The following NAALADL2 variants were observed in gnomAD, a reference collection of about 807,000 sequenced individuals.
NAALADL2 encodes N-acetylated alpha-linked acidic dipeptidase like 2.
In NAALADL2, 76 loss-of-function variants were observed where a neutral mutation model predicts 87.2. The ratio of observed to expected loss-of-function variants is 0.87; its 90% CI spans 0.72 to 1.05. The LOEUF (loss-of-function observed/expected upper bound fraction) is 1.05. NAALADL2 is among the 50% of genes least tolerant of loss of function. The probability of loss-of-function intolerance (pLI) is 0.00; values close to 1 mark genes in which losing one functional copy is unlikely to be tolerated. For missense variants in NAALADL2, 1,089 were observed against 945.8 expected, an observed-to-expected ratio of 1.15 and a Z score of -1.99; for synonymous variants, 354 against 331.0, an observed-to-expected ratio of 1.07 and a Z score of -0.75.
At chr3:174,798,038 T>C (rs1364812284) in intron 3 of NAALADL2, among the ~76,000 whole-genome samples, 1 of 152,200 alleles carries the variant, frequency 6.6e-6, no homozygotes. Flanking sequence ...TTATTTATTA[T>C]GTGAAATGGA....
chr3:175,048,702 A>G (rs1754986432), intron 1 of NAALADL2, among the ~76,000 whole-genome samples: 1 of 152,176 alleles, frequency 6.6e-6, no homozygotes, highest in Non-Finnish European at 1.5e-5. Context: ...TTTACAGCTA[A>G]GTATTGTTTT....
chr3:175,329,550 T>A (rs1173494393), intron 5 of NAALADL2, among the ~76,000 whole-genome samples: 3 of 152,190 alleles, frequency 2.0e-5, no homozygotes, highest in African/African-American at 7.2e-5. Context: ...CTGACTAGAA[T>A]GGCAGAAAAT....
At chr3:174,919,859 C>T (rs1734910748) in intron 1 of NAALADL2, among the ~76,000 whole-genome samples, 1 of 152,154 alleles carries the variant, frequency 6.6e-6, no homozygotes, top group South Asian at 2.1e-4. Flanking sequence ...GATCCATATG[C>T]TGCAGAACTT....
At chr3:174,538,953 C>T (rs6776623) in intron 1 of NAALADL2, among the ~76,000 whole-genome samples, 54,614 of 151,908 alleles carry the variant, frequency 0.36, 10,104 homozygotes, top group African/African-American at 0.46. Flanking sequence ...ACGTTGGGCT[C>T]ATGACCTTTT....
chr3:175,089,265 A>G (rs1279926485), intron 1 of NAALADL2, among the ~76,000 whole-genome samples: 1 of 151,932 alleles, frequency 6.6e-6, no homozygotes, highest in Non-Finnish European at 1.5e-5. Context: ...GACCCTGGAG[A>G]CTCCTGGTGC....
At chr3:175,639,688 C>T (rs1357326725) in intron 11 of NAALADL2, among the ~76,000 whole-genome samples, 1 of 152,062 alleles carries the variant, frequency 6.6e-6, no homozygotes, top group Non-Finnish European at 1.5e-5. Flanking sequence ...TTTCTCCACA[C>T]CTTTAACTTA....
chr3:174,850,759 G>A (rs1725151374), intron 3 of NAALADL2, among the ~76,000 whole-genome samples: 1 of 152,012 alleles, frequency 6.6e-6, no homozygotes, highest in African/African-American at 2.4e-5. Context: ...TAGATCAAGT[G>A]AATCTAATAG....
intron 3 of NAALADL2, among the ~76,000 whole-genome samples, chr3:174,743,533 A>G (rs1328544879): frequency 6.6e-6 from 1 of 151,884 alleles, no homozygotes; most frequent in Non-Finnish European, 1.5e-5. Flanking sequence ...TTTTGCCACA[A>G]TTTAACCTCA....
At chr3:174,850,618 A>T (rs1299845800) in intron 3 of NAALADL2, among the ~76,000 whole-genome samples, 2 of 152,144 alleles carry the variant, frequency 1.3e-5, no homozygotes, top group Non-Finnish European at 2.9e-5. Flanking sequence ...CCAGATATGT[A>T]AAGCAAACAT....
rs145598541 is a variant in NAALADL2 at position 174,586,280 on chromosome 3, C to G, written c.-115+35643C>G. Among the ~76,000 whole-genome samples, 425 of 152,158 alleles carry G rather than the reference C, an allele frequency of 2.8e-3. 3 individuals are homozygous for G. The highest frequency in any genetic ancestry group is 9.9e-3 in the African/African-American group (411 of 41,504). ...GTTGTAATGCATTTTATTTAGCCTCCCTAGTGGTATACATTATTTTTTTTA... is the reference window on the plus strand; with the variant it reads ...GTTGTAATGCATTTTATTTAGCCTCGCTAGTGGTATACATTATTTTTTTTA... On this transcript the variant is annotated intron_variant, in intron 2 of 3. Transcript: ENST00000434257.
chr3:174,976,244 A>G (rs971115398), intron 1 of NAALADL2, among the ~76,000 whole-genome samples: 2 of 152,318 alleles, frequency 1.3e-5, no homozygotes, highest in African/African-American at 2.4e-5. Context: ...AAACTATCTT[A>G]TAGATTTTAA....
intron 11 of NAALADL2, among the ~76,000 whole-genome samples, chr3:175,632,006 A>C (rs1727831707): frequency 6.6e-6 from 1 of 152,076 alleles, no homozygotes; most frequent in African/African-American, 2.4e-5. Flanking sequence ...AAATCATTTT[A>C]ATAAATTATA....
intron 1 of NAALADL2, chr3:174,536,647 C>A (rs1721753359): frequency 6.6e-6 from 1 of 152,140 alleles, no homozygotes; most frequent in Non-Finnish European, 1.5e-5. Context: ...TTCAAAATAG[C>A]TTTTGATGTC....
chr3:174,912,832 C>T (rs1461206688), intron 1 of NAALADL2, among the ~76,000 whole-genome samples: 2 of 152,170 alleles, frequency 1.3e-5, no homozygotes, highest in Admixed American at 6.5e-5. Flanking sequence ...AATCTCTCAT[C>T]ATTTTGCTGG....
chr3:175,619,273 G>A (rs111665343), intron 10 of NAALADL2, among the ~76,000 whole-genome samples: 27 of 133,276 alleles, frequency 2.0e-4, no homozygotes, highest in African/African-American at 7.3e-4. Context: ...GGAAGGAGAA[G>A]GAAAGAAAGA....
intron 3 of NAALADL2, chr3:175,235,799 A>G (rs1316559731): frequency 1.3e-5 from 2 of 152,174 alleles, no homozygotes; most frequent in Non-Finnish European, 2.9e-5. Flanking sequence ...GCTGGTGAAC[A>G]TTGATTATTC....
At chr3:175,624,891 G>A (rs778640280) in intron 10 of NAALADL2, among the ~76,000 whole-genome samples, 1 of 151,954 alleles carries the variant, frequency 6.6e-6, no homozygotes, top group Non-Finnish European at 1.5e-5. Context: ...AAAATGTTTA[G>A]GAAGCACAGA....
intron 2 of NAALADL2, among the ~76,000 whole-genome samples, chr3:174,565,790 C>T (rs1253920339): frequency 6.6e-6 from 1 of 151,934 alleles, no homozygotes; most frequent in East Asian, 1.9e-4. Flanking sequence ...TTTCTACCAC[C>T]AATGAGTGAA....
intron 3 of NAALADL2, among the ~76,000 whole-genome samples, chr3:174,852,413 A>G (rs899299090): frequency 1.3e-5 from 2 of 152,164 alleles, no homozygotes; most frequent in Non-Finnish European, 2.9e-5. Flanking sequence ...TGGCATTTCT[A>G]TGTCAACAAT....
Sources: gnomAD v4.1 joint callset for allele counts (sites outside exome capture counted in the v4.1 genomes callset) on GRCh38, gnomAD v4.1.1 for gene constraint, MANE v1.5 for transcripts, NCBI Gene and HGNC (gene_info 2026-07-23, HGNC 2026-07-21) for gene names.